Variants in RBFOX3 observed in about 807,000 individuals in gnomAD.
The protein encoded by RBFOX3 is RNA binding protein fox-1 homolog 3.
A neutral mutation model predicts 48.7 loss-of-function variants in RBFOX3; 17 were observed. The ratio of observed to expected loss-of-function variants is 0.35; its 90% CI spans 0.24 to 0.52. The LOEUF is 0.52. Among genes scored for constraint, RBFOX3 ranks in the 20% least tolerant of loss-of-function variants. RBFOX3 has a pLI of 0.94. For missense variants in RBFOX3, 382 were observed against 497.5 expected (o/e 0.77, Z 2.21); for synonymous variants, 212 against 209.5 (o/e 1.01, Z -0.10).
chr17:79,564,901 C>T (rs923800014), intron 1 of RBFOX3, among the ~76,000 whole-genome samples: 79 of 151,982 alleles, frequency 5.2e-4, no homozygotes, highest in Non-Finnish European at 1.1e-3. Context: ...ATTAGCCGGG[C>T]GTGCTGGCAC....
Position 79,543,314 on chromosome 17 carries a change from G to A in RBFOX3, c.-319-60716C>T, listed in dbSNP as rs370261530. 2.0e-3 allele frequency among the ~76,000 whole-genome samples: 308 copies of A among 152,264 alleles called. 3 individuals carry two copies. The South Asian group carries it at 0.026, about 13-fold the overall frequency. ...ATCTTCAGAGCTCTGCGAGGCCAAT[G>A]CTGCCTTCACTGTGACTCCCTGATA... On this transcript the variant is annotated intron_variant, in intron 1 of 14. Coordinates refer to ENST00000693108, the MANE Select transcript of RBFOX3 (RefSeq NM_001350451.2).
intron 4 of RBFOX3, among the ~76,000 whole-genome samples, chr17:79,147,923 T>A (rs1318404218): frequency 6.6e-6 from 1 of 152,218 alleles, no homozygotes; most frequent in African/African-American, 2.4e-5. Flanking sequence ...AATTGACTGA[T>A]CCCCATCATT....
chr17:79,144,502 T>C (rs1189100456), intron 4 of RBFOX3, among the ~76,000 whole-genome samples: 1 of 152,078 alleles, frequency 6.6e-6, no homozygotes, highest in Admixed American at 6.5e-5. Context: ...TAGATGTTTC[T>C]AGAAGCTCAA....
intron 4 of RBFOX3, among the ~76,000 whole-genome samples, chr17:79,120,579 G>T (rs2035426869): frequency 6.6e-6 from 1 of 150,450 alleles, no homozygotes; most frequent in African/African-American, 2.5e-5. Flanking sequence ...GGATGGGAGG[G>T]TGGATAAATG....
At position 79,594,469 on chromosome 17, in the gene RBFOX3, C is replaced by T. The variant is rs1167265865; in HGVS notation, c.-320+16357G>A. 5.9e-5 allele frequency among the ~76,000 whole-genome samples: 9 copies of T among 152,310 alleles called. No homozygotes were observed. In the East Asian group the frequency reaches 1.4e-3, roughly 23 times the overall value. On this transcript the variant is annotated intron_variant, in intron 1 of 14. Transcript: ENST00000693108. Reference sequence around the variant, plus strand: ...ACCAGCCAGCCCCCTCCAGGCTCTGCCTCCCACATGCTGACTTCAGAAGCT... The same window carrying T: ...ACCAGCCAGCCCCCTCCAGGCTCTGTCTCCCACATGCTGACTTCAGAAGCT...
rs564750093 is a variant in RBFOX3 at position 79,260,768 on chromosome 17, C to T, written c.-73-24963G>A. Among the ~76,000 whole-genome samples, 20 of 152,302 alleles carry T rather than the reference C, an allele frequency of 1.3e-4. No homozygotes were observed. The South Asian group carries it at 2.1e-3, about 16-fold the overall frequency. On this transcript the variant is annotated intron_variant, in intron 3 of 14. Transcript: ENST00000693108. ...TGGCCAAGGAAGACGCTGTAAAGTGCGAGAAAATGGCATGTAGGAGAGGAT... is the reference window on the plus strand; with the variant it reads ...TGGCCAAGGAAGACGCTGTAAAGTGTGAGAAAATGGCATGTAGGAGAGGAT...
At chr17:79,139,692 T>C (rs983499960) in intron 4 of RBFOX3, among the ~76,000 whole-genome samples, 2 of 152,082 alleles carry the variant, frequency 1.3e-5, no homozygotes, top group African/African-American at 4.8e-5. Context: ...CCTACCAGGA[T>C]CTGCCCACCA....
At chr17:79,118,991 A>AG (rs1218340889) in intron 4 of RBFOX3, among the ~76,000 whole-genome samples, 2 of 147,076 alleles carry the variant, frequency 1.4e-5, no homozygotes, top group African/African-American at 5.0e-5. Flanking sequence ...AAAAAAAAAA[A>AG]AATAAAGAAA....
chr17:79,602,992 T>C (rs1164535877), intron 1 of RBFOX3, among the ~76,000 whole-genome samples: 4 of 143,626 alleles, frequency 2.8e-5, no homozygotes, highest in African/African-American at 1.0e-4. Flanking sequence ...GCTACCCTTT[T>C]TTTTTTTTTT....
intron 2 of RBFOX3, among the ~76,000 whole-genome samples, chr17:79,379,815 C>T (rs1405955477): frequency 6.6e-6 from 1 of 152,126 alleles, no homozygotes; most frequent in Non-Finnish European, 1.5e-5. Context: ...AGATGCCATC[C>T]GGGTCCTCAC....
At chr17:79,651,432 A>G in the RBFOX3 span, among the ~76,000 whole-genome samples, 1 of 152,154 alleles carries the variant, frequency 6.6e-6, no homozygotes. Flanking sequence ...CCAGACTCCA[A>G]AATGGCTGCC....
chr17:79,348,289 A>G (rs1422644421), intron 2 of RBFOX3, among the ~76,000 whole-genome samples: 1 of 152,222 alleles, frequency 6.6e-6, no homozygotes, highest in Non-Finnish European at 1.5e-5. Context: ...CCACAGGTAT[A>G]GACAGGCATG....
At chr17:79,455,323 C>T (rs910217009) in intron 2 of RBFOX3, among the ~76,000 whole-genome samples, 5 of 152,186 alleles carry the variant, frequency 3.3e-5, no homozygotes, top group Admixed American at 6.5e-5. Flanking sequence ...AGGAGAAATT[C>T]GGAAATTGTT....
chr17:79,543,440 C>A (rs1555790937), intron 1 of RBFOX3, among the ~76,000 whole-genome samples: 3 of 151,992 alleles, frequency 2.0e-5, no homozygotes, highest in African/African-American at 7.3e-5. Flanking sequence ...GTAGAATTTC[C>A]CCTCCTGACA....
At position 79,479,712 on chromosome 17, in the gene RBFOX3, C is replaced by T. The variant is rs895012730; in HGVS notation, c.-175+2742G>A. On this transcript the variant is annotated intron_variant, in intron 2 of 14. Coordinates refer to ENST00000693108, the MANE Select transcript of RBFOX3 (RefSeq NM_001350451.2). The surrounding 1 kb of genome is among the most constrained non-coding windows in gnomAD (Gnocchi z 5.1). ...CACTGTTGATGACCCCGAGGATTTA[C>T]CTATTTGGGGGACACAGGTTCTCAG... Among the ~76,000 whole-genome samples the T allele has an allele frequency of 5.3e-4, 80 of 152,294 alleles. No homozygotes were observed. The highest frequency in any genetic ancestry group is 1.8e-3 in the African/African-American group (75 of 41,558).
At chr17:79,270,094 C>A (rs1368885807) in intron 3 of RBFOX3, among the ~76,000 whole-genome samples, 1 of 152,190 alleles carries the variant, frequency 6.6e-6, no homozygotes, top group African/African-American at 2.4e-5. Context: ...TCTTCCGCCT[C>A]TGTGGCCACC....
intron 3 of RBFOX3, among the ~76,000 whole-genome samples, chr17:79,260,186 G>A (rs982470231): frequency 6.6e-6 from 1 of 152,036 alleles, no homozygotes; most frequent in African/African-American, 2.4e-5. Flanking sequence ...TACAGGGGGA[G>A]GTGGAATGGG....
At chr17:79,463,142 GCCACCT>G (rs1311001323) in intron 2 of RBFOX3, among the ~76,000 whole-genome samples, 65 of 139,412 alleles carry the variant, frequency 4.7e-4, no homozygotes, top group African/African-American at 1.7e-3. Context: ...CACTGCCACC[GCCACCT>G]CCACCACCAT....
At chr17:79,548,562 G>A (rs907238679) in intron 1 of RBFOX3, among the ~76,000 whole-genome samples, 15 of 152,238 alleles carry the variant, frequency 9.9e-5, no homozygotes, top group African/African-American at 1.4e-4. Flanking sequence ...CAGGAGGTCC[G>A]AGAAGTGCAG....
Sources: allele counts gnomAD v4.1 joint callset (sites outside exome capture counted in the v4.1 genomes callset), GRCh38; gene constraint gnomAD v4.1.1; non-coding constraint Gnocchi (gnomAD v3.1); transcripts MANE v1.5; gene names NCBI Gene and HGNC (gene_info 2026-07-23, HGNC 2026-07-21).